VAPA: variants seen among roughly 807,000 people sequenced by gnomAD.
VAPA encodes the protein vesicle-associated membrane protein-associated protein A.
VAPA carries 6 observed loss-of-function variants against 25.6 expected under a neutral mutation model. That is an observed-to-expected ratio of 0.23 (90% CI 0.13 to 0.46). VAPA has a LOEUF of 0.46. VAPA is among the 20% of genes least tolerant of loss of function. The pLI is 0.99. For missense variants in VAPA, 244 were observed against 302.1 expected, an observed-to-expected ratio of 0.81 and a Z score of 1.43; for synonymous variants, 112 against 106.2, an observed-to-expected ratio of 1.05 and a Z score of -0.34.
chr18:9,947,374 G>C (rs1390511401), intron 4 of VAPA, among the ~76,000 whole-genome samples: 1 of 152,180 alleles, frequency 6.6e-6, no homozygotes, highest in African/African-American at 2.4e-5. Flanking sequence ...ATTGTGATAA[G>C]ACCTCACTAG....
At chr18:9,934,543 G>A (rs999183906) in intron 2 of VAPA, among the ~76,000 whole-genome samples, 1 of 152,110 alleles carries the variant, frequency 6.6e-6, no homozygotes, top group African/African-American at 2.4e-5. Context: ...AGCAGTTAAT[G>A]GACTTCTCAG....
chr18:9,920,396 G>A (rs2069146570), intron 1 of VAPA, among the ~76,000 whole-genome samples: 1 of 152,098 alleles, frequency 6.6e-6, no homozygotes, highest in Non-Finnish European at 1.5e-5. Context: ...TCTGCCTCCC[G>A]AGTTCAAGCG....
At chr18:9,925,447 A>G (rs982523643) in intron 1 of VAPA, among the ~76,000 whole-genome samples, 4 of 152,072 alleles carry the variant, frequency 2.6e-5, no homozygotes, top group Non-Finnish European at 5.9e-5. Context: ...TGCTTCAATG[A>G]CTAAGTTTTT....
intron 1 of VAPA, chr18:9,914,856 G>A (rs2143262469): frequency 6.6e-6 from 1 of 152,456 alleles, no homozygotes; most frequent in South Asian, 2.1e-4. Context: ...CACGGCGCGG[G>A]ACCCCTTGGG....
intron 2 of VAPA, among the ~76,000 whole-genome samples, chr18:9,934,522 T>C (rs1191839156): frequency 6.6e-6 from 1 of 152,220 alleles, no homozygotes; most frequent in Non-Finnish European, 1.5e-5. Context: ...AAAAGTTGTC[T>C]TAACCTTGAT....
At chr18:9,944,055 G>T (rs2069395677) in intron 4 of VAPA, among the ~76,000 whole-genome samples, 2 of 151,480 alleles carry the variant, frequency 1.3e-5, no homozygotes, top group African/African-American at 4.8e-5. Flanking sequence ...TAGAGACAGG[G>T]TTTCACCGTG....
At chr18:9,915,277 A>G (rs2069102742) in intron 1 of VAPA, among the ~76,000 whole-genome samples, 1 of 152,188 alleles carries the variant, frequency 6.6e-6, no homozygotes, top group African/African-American at 2.4e-5. Context: ...AAGGCTGATA[A>G]GGTGTCACCC....
chr18:9,927,280 A>G (rs1205248144), intron 1 of VAPA, among the ~76,000 whole-genome samples: 2 of 152,118 alleles, frequency 1.3e-5, no homozygotes, highest in Non-Finnish European at 2.9e-5. Context: ...ATGAGTGTTT[A>G]TATAATTATC....
Position 9,955,850 on chromosome 18 carries a change from CATGCTTTACTGCCATTGCTGT to C in VAPA, c.*1651_*1671del, listed in dbSNP as rs574198959. On this transcript the variant is annotated 3_prime_UTR_variant, in exon 6 of 6. Transcript: ENST00000400000. The stretch of plus-strand genomic sequence containing the variant: ...TATCCATTACTAGCATGCTATGCTG[CATGCTTTACTGCCATTGCTGT>C]ATGCTTTACTGTCTTTGTAAAAATC... 13 of 152,180 alleles carry C rather than the reference CATGCTTTACTGCCATTGCTGT, an allele frequency of 8.5e-5. No individual in the cohort carries two copies. The highest frequency in any genetic ancestry group is 1.9e-4 in the Non-Finnish European group (13 of 68,024). 9.4% of individuals were successfully genotyped at this position (152,180 alleles called of 1,614,324 possible).
At chr18:9,948,004 A>C (rs1448755538) in intron 4 of VAPA, 1 of 152,202 alleles carries the variant, frequency 6.6e-6, no homozygotes, top group Admixed American at 6.5e-5. Context: ...CCTAGGTAGT[A>C]TGTGATATAA....
At chr18:9,925,408 G>C in intron 1 of VAPA, among the ~76,000 whole-genome samples, 1 of 152,062 alleles carries the variant, frequency 6.6e-6, no homozygotes, top group East Asian at 1.9e-4. Flanking sequence ...TATGATGTTA[G>C]TGAAATCTTA....
chr18:9,944,211 G>A (rs1481236807), intron 4 of VAPA, among the ~76,000 whole-genome samples: 1 of 152,108 alleles, frequency 6.6e-6, no homozygotes, highest in Non-Finnish European at 1.5e-5. Context: ...CTGAGGGGCT[G>A]TAAAGAACAG....
chr18:9,918,983 C>T (rs780345072), intron 1 of VAPA, among the ~76,000 whole-genome samples: 1 of 152,094 alleles, frequency 6.6e-6, no homozygotes, highest in Admixed American at 6.5e-5. Flanking sequence ...TCACTGCAGC[C>T]GTGACCTCCT....
In VAPA at chr18:9,955,578, G is replaced by A. The variant is rs534473481; in HGVS notation, c.*1367G>A. 4 of 152,136 alleles carry A rather than the reference G, an allele frequency of 2.6e-5. No individual in the cohort carries two copies. Among genetic ancestry groups the A allele is most frequent in the South Asian group, 2.1e-4 (1 of 4,818 alleles). The allele number at this position is 152,136 out of a possible 1,614,324, so 9.4% of individuals were successfully genotyped here. On this transcript the variant is annotated 3_prime_UTR_variant, in exon 6 of 6. Coordinates refer to ENST00000400000, the MANE Select transcript of VAPA (RefSeq NM_194434.3). ...TGTTGGCTCTTTTTTTAAAAGATGCGCTCTACCTGAAAAGGAAATTGGATT... is the reference window on the plus strand; with the variant it reads ...TGTTGGCTCTTTTTTTAAAAGATGCACTCTACCTGAAAAGGAAATTGGATT...
At chr18:9,921,832 G>C (rs1189799585) in intron 1 of VAPA, among the ~76,000 whole-genome samples, 1 of 152,166 alleles carries the variant, frequency 6.6e-6, no homozygotes, top group Non-Finnish European at 1.5e-5. Flanking sequence ...AAATTAGTAA[G>C]TTTTAAACGT....
At chr18:9,952,895 C>T (rs192596555) in intron 5 of VAPA, among the ~76,000 whole-genome samples, 12 of 152,242 alleles carry the variant, frequency 7.9e-5, no homozygotes, top group African/African-American at 2.6e-4. Context: ...ACCAAAAAAA[C>T]CCAACTCCAG....
intron 2 of VAPA, 57 bp downstream of exon 2, chr18:9,932,019 GT>G (rs2069260560): frequency 7.5e-7 from 1 of 1,333,346 alleles, no homozygotes; most frequent in Non-Finnish European, 1.0e-6. Context: ...TTATGATTAT[GT>G]TTTTGTTTAA....
At chr18:9,924,433 G>A (rs970123545) in intron 1 of VAPA, among the ~76,000 whole-genome samples, 1 of 152,152 alleles carries the variant, frequency 6.6e-6, no homozygotes, top group Non-Finnish European at 1.5e-5. Context: ...AGTTTAGAGT[G>A]GAGGGACATA....
intron 1 of VAPA, among the ~76,000 whole-genome samples, chr18:9,917,054 T>C (rs1313545408): frequency 6.6e-6 from 1 of 152,244 alleles, no homozygotes; most frequent in Non-Finnish European, 1.5e-5. Context: ...TATACAGTCG[T>C]TAACATATAA....
Sources: allele counts gnomAD v4.1 joint callset (sites outside exome capture counted in the v4.1 genomes callset), GRCh38; gene constraint gnomAD v4.1.1; transcripts MANE v1.5; gene names NCBI Gene and HGNC (gene_info 2026-07-23, HGNC 2026-07-21).